UGT1A6: variants seen among roughly 807,000 people sequenced by gnomAD.
UGT1A6 encodes UDP glucuronosyltransferase family 1 member A6.
Under a neutral mutation model 44.4 loss-of-function variants are expected in UGT1A6, and 32 were observed. That is an observed-to-expected ratio of 0.72 (90% CI 0.54 to 0.97). The LOEUF (loss-of-function observed/expected upper bound fraction) is 0.97. UGT1A6 is among the 50% of genes least tolerant of loss of function. The pLI, the probability that UGT1A6 is intolerant of heterozygous loss-of-function variation, is 0.00. For synonymous variants in UGT1A6, 238 were observed against 248.5 expected (o/e 0.96, Z 0.40); for missense variants, 685 against 661.9 (o/e 1.03, Z -0.38).
Position 233,748,426 on chromosome 2 carries a change from G to A in UGT1A6, c.862-18608G>A, listed in dbSNP as rs1479085626. Among the ~76,000 whole-genome samples the A allele has an allele frequency of 3.3e-5, 5 of 151,758 alleles. 1 individual carries two copies. The highest frequency in any genetic ancestry group is 7.3e-5 in the African/African-American group (3 of 41,072). ...CACTACATTGAGACTTGACCCATCTGGATTTTTTGTTTGCACAATTTTCAG... is the reference window on the plus strand; with the variant it reads ...CACTACATTGAGACTTGACCCATCTAGATTTTTTGTTTGCACAATTTTCAG... On this transcript the variant is annotated intron_variant, in intron 1 of 4. Transcript: ENST00000305139.
chr2:233,729,056 T>G, intron 1 of UGT1A6: 1 of 1,610,084 alleles, frequency 6.2e-7, no homozygotes, highest in Non-Finnish European at 8.5e-7. Flanking sequence ...ACAAGGTAAT[T>G]AAGATGAAGA....
rs558356938 is a variant in UGT1A6 at position 233,722,599 on chromosome 2, T to C, written c.861+28734T>C. Among the ~76,000 whole-genome samples the C allele has an allele frequency of 1.3e-4, 20 of 152,338 alleles. 1 individual carries two copies. In the South Asian group the frequency reaches 4.1e-3, roughly 32 times the overall value. On this transcript the variant is annotated intron_variant, in intron 1 of 4. Transcript: ENST00000305139. ...AACTTCGTTAGAGGACTATTACACT[T>C]CTTTACATTTGATTTTTCTTAATGA... is the stretch of plus-strand genomic sequence containing the variant.
chr2:233,714,076 G>A (rs1264024258), intron 1 of UGT1A6, among the ~76,000 whole-genome samples: 2 of 152,134 alleles, frequency 1.3e-5, no homozygotes, highest in African/African-American at 2.4e-5. Flanking sequence ...AGGCAGGGAC[G>A]AGGATCTGTC....
rs753963758 is a variant in UGT1A6 at position 233,707,538 on chromosome 2, C to CT, written c.861+13687dup. 8.4e-3 allele frequency among the ~76,000 whole-genome samples: 1,063 copies of CT among 126,950 alleles called. 7 individuals carry two copies. The highest frequency in any genetic ancestry group is 0.021 in the African/African-American group (741 of 34,780). The allele number at this position is 126,950 out of a possible 152,430, so 83.3% of individuals were successfully genotyped here. A position where few individuals can be genotyped will look rare whatever the true frequency, so the allele number is the denominator to read the frequency against. ...ATTTTACTGTTTTTCTTTGTCTTGC[C>CT]TTTTTTTTTTTTTTGGTTCAACCTT... On this transcript the variant is annotated intron_variant, in intron 1 of 4. Transcript: ENST00000305139.
intron 1 of UGT1A6, among the ~76,000 whole-genome samples, chr2:233,766,238 C>T (rs1302165333): frequency 6.6e-6 from 1 of 151,910 alleles, no homozygotes; most frequent in Non-Finnish European, 1.5e-5. Flanking sequence ...GAAGGGTTTC[C>T]CCTGGAGTCA....
chr2:233,760,827 A>G lies in UGT1A6; in HGVS notation c.862-6207A>G, dbSNP rs148755655. ...TGCATGCACTGCCATGCAGCCTGGA[A>G]TTTGAGGCTACCCAGTGCCCCAACC... On this transcript the variant is annotated intron_variant, in intron 1 of 4. Transcript: ENST00000305139. 4,073 of 1,613,502 alleles carry G rather than the reference A, an allele frequency of 2.5e-3. 8 individuals carry two copies. The highest frequency in any genetic ancestry group is 3.2e-3 in the Non-Finnish European group (3,736 of 1,179,512).
intron 1 of UGT1A6, among the ~76,000 whole-genome samples, chr2:233,759,843 C>CA (rs1240131722): frequency 1.3e-5 from 2 of 152,184 alleles, no homozygotes; most frequent in African/African-American, 4.8e-5. Flanking sequence ...GGCACTCTTA[C>CA]AGGTTTCCAT....
chr2:233,699,086 C>G (rs1303694142), intron 1 of UGT1A6, among the ~76,000 whole-genome samples: 1 of 152,218 alleles, frequency 6.6e-6, no homozygotes, highest in Non-Finnish European at 1.5e-5. Context: ...TCTCTCTAGC[C>G]CTGTGCACCT....
rs201577813 is a variant in UGT1A6, at chr2:233,718,850, G to A, written c.861+24985G>A. On this transcript the variant is annotated intron_variant, in intron 1 of 4. Transcript: ENST00000305139. ...CCAGAGGACTCCAGGTTCCCCTGCC[G>A]CGGCTGGCCACAGGACTGCTGCTCC... The A allele has an allele frequency of 1.6e-4, 258 of 1,613,728 alleles. 1 individual carries two copies. In the East Asian group the frequency reaches 4.7e-3, roughly 30 times the overall value.
chr2:233,699,153 C>A (rs901306895), intron 1 of UGT1A6, among the ~76,000 whole-genome samples: 7 of 152,196 alleles, frequency 4.6e-5, no homozygotes, highest in Non-Finnish European at 1.0e-4. Flanking sequence ...TGCCTTGCAA[C>A]CTTTCTGTCT....
chr2:233,713,544 A>C, intron 1 of UGT1A6: 2 of 1,613,986 alleles, frequency 1.2e-6, no homozygotes, highest in Non-Finnish European at 1.7e-6. Flanking sequence ...CTTTAAGGGC[A>C]CACAGTGTCC....
At chr2:233,767,198 A>G in intron 2 of UGT1A6, 33 bp downstream of exon 2, 1 of 1,613,498 alleles carries the variant, frequency 6.2e-7, no homozygotes, top group Non-Finnish European at 8.5e-7. Flanking sequence ...CCTCATATCT[A>G]TTTTCACAGG....
At position 233,693,346 on chromosome 2, in the gene UGT1A6, T is replaced by C; in HGVS notation, c.342T>C (p.Asn114=). The change falls in exon 1 of 5, where the codon AAT becomes AAC. Residue 114 remains asparagine (N), a synonymous_variant. Coordinates refer to ENST00000305139, the MANE Select transcript of UGT1A6 (RefSeq NM_001072.4). ...FLTAPQTEYR[N]NMIVIGLYFI... ...CTGCTCCTCAGACAGAGTACAGGAA[T>C]AACATGATTGTTATTGGCCTGTACT... 6.2e-7 allele frequency: 1 copy of C among 1,614,200 alleles called. No individual in the cohort carries two copies. Among genetic ancestry groups the C allele is most frequent in the Non-Finnish European group, 8.5e-7 (1 of 1,180,032 alleles).
intron 1 of UGT1A6, among the ~76,000 whole-genome samples, chr2:233,737,586 G>T (rs1642090076): frequency 6.6e-6 from 1 of 152,172 alleles, no homozygotes; most frequent in African/African-American, 2.4e-5. Flanking sequence ...CAGTCCCAAT[G>T]AGATGAACCA....
At chr2:233,739,831 CAT>C (rs1185061453) in intron 1 of UGT1A6, among the ~76,000 whole-genome samples, 1 of 151,958 alleles carries the variant, frequency 6.6e-6, no homozygotes, top group Non-Finnish European at 1.5e-5. Context: ...TGTGAAAAGA[CAT>C]GAGATTTGGG....
intron 1 of UGT1A6, among the ~76,000 whole-genome samples, chr2:233,766,257 AGTGGCCCGGGCTCG>A (rs36213637): frequency 0.33 from 50,708 of 151,412 alleles, 8,925 homozygotes; most frequent in African/African-American, 0.42. Context: ...CAGACCGCTC[AGTGGCCCGGGCTCG>A]GTGGCCCGGG....
In UGT1A6 at chr2:233,722,858, T is replaced by G. The variant is rs1254106570; in HGVS notation, c.861+28993T>G. On this transcript the variant is annotated intron_variant, in intron 1 of 4. Coordinates refer to ENST00000305139, the MANE Select transcript of UGT1A6 (RefSeq NM_001072.4). ...ATAAGAATGTTTCTTTTTTTTTTTT[T>G]TGAAGGAAAAAATAAATTTATTGCT... 1.4e-5 allele frequency among the ~76,000 whole-genome samples: 2 copies of G among 144,154 alleles called. 1 individual carries two copies. The highest frequency in any genetic ancestry group is 1.4e-4 in the Admixed American group (2 of 14,354). 94.6% of individuals were successfully genotyped at this position (144,154 alleles called of 152,430 possible).
At chr2:233,734,277 A>G (rs1251036524) in intron 1 of UGT1A6, among the ~76,000 whole-genome samples, 2 of 152,092 alleles carry the variant, frequency 1.3e-5, no homozygotes, top group African/African-American at 4.8e-5. Context: ...CCAGGAATTT[A>G]TCCATTTCTT....
chr2:233,772,026 TG>T lies in UGT1A6; in HGVS notation c.1302-234del, dbSNP rs35071442. On this transcript the variant is annotated intron_variant, in intron 4 of 4. Transcript: ENST00000305139. Reference sequence around the variant, plus strand: ...TACTCTGGAGGCTGAGGCAGGAGGATGGCTTGAGCCCAGGAGTTGGAGGCTG... The same window carrying T: ...TACTCTGGAGGCTGAGGCAGGAGGATGCTTGAGCCCAGGAGTTGGAGGCTG... 2.7e-3 allele frequency among the ~76,000 whole-genome samples: 414 copies of T among 152,300 alleles called. 2 individuals carry two copies. Among genetic ancestry groups the T allele is most frequent in the African/African-American group, 9.1e-3 (379 of 41,546 alleles).
Sources: allele counts gnomAD v4.1 joint callset (sites outside exome capture counted in the v4.1 genomes callset), GRCh38; gene constraint gnomAD v4.1.1; transcripts MANE v1.5; gene names NCBI Gene and HGNC (gene_info 2026-07-23, HGNC 2026-07-21).